NR1D2: variants seen among roughly 807,000 people sequenced by gnomAD.
NR1D2 encodes the protein nuclear receptor subfamily 1 group D member 2.
Under a neutral mutation model 52.2 loss-of-function variants are expected in NR1D2, and 25 were observed. The observed-to-expected ratio is 0.48, with a 90% CI of 0.35 to 0.67. The LOEUF (loss-of-function observed/expected upper bound fraction) is 0.67, where lower values mean the gene tolerates loss of function less well. Ranked by LOEUF, NR1D2 falls within the 30% of genes least tolerant of loss-of-function variation. The pLI is 0.01. For missense variants in NR1D2, 681 were observed against 707.2 expected (o/e 0.96, Z 0.42); for synonymous variants, 259 against 230.1 (o/e 1.13, Z -1.14).
At chr3:23,948,109 C>T (rs1017600479) in intron 1 of NR1D2, among the ~76,000 whole-genome samples, 9 of 145,472 alleles carry the variant, frequency 6.2e-5, no homozygotes, top group Non-Finnish European at 1.2e-4. Context: ...AAGAGCGAGA[C>T]TCCCATCTCA....
intron 4 of NR1D2, among the ~76,000 whole-genome samples, chr3:23,960,690 A>G (rs979414218): frequency 7.9e-5 from 12 of 152,152 alleles, no homozygotes; most frequent in African/African-American, 2.9e-4. Context: ...AATTCCCTGA[A>G]ATTTTTTTTA....
chr3:23,946,025 G>C (rs868183613), intron 1 of NR1D2: 27 of 821,396 alleles, frequency 3.3e-5, no homozygotes, highest in Non-Finnish European at 3.8e-5. Context: ...ACACGTGGGG[G>C]CGGGGGCGCG....
intron 1 of NR1D2, among the ~76,000 whole-genome samples, chr3:23,952,282 G>A (rs765413059): frequency 2.0e-5 from 3 of 152,204 alleles, no homozygotes; most frequent in Non-Finnish European, 4.4e-5. Context: ...ACTGGGAAGA[G>A]CAGATTTGCA....
intron 4 of NR1D2, among the ~76,000 whole-genome samples, chr3:23,961,016 A>G (rs1304251686): frequency 1.3e-5 from 2 of 152,216 alleles, no homozygotes; most frequent in African/African-American, 4.8e-5. Flanking sequence ...AGGATGACTT[A>G]TCTCATTTTT....
At chr3:23,968,788 C>T (rs544702581) in intron 7 of NR1D2, among the ~76,000 whole-genome samples, 1 of 152,254 alleles carries the variant, frequency 6.6e-6, no homozygotes, top group African/African-American at 2.4e-5. Context: ...GAGGTACTTT[C>T]CTGGGTATGT....
At position 23,979,992 on chromosome 3, in the gene NR1D2, C is replaced by G. The variant is rs1706836300; in HGVS notation, c.*2573C>G. On this transcript the variant is annotated 3_prime_UTR_variant, in exon 8 of 8. Transcript: ENST00000312521. ...CTTTTAATGTATCTCTTTACATGAT[C>G]TGAGAGAGGATTCAAGTTGATAGAA... is the stretch of plus-strand genomic sequence containing the variant. 6.6e-6 allele frequency: 1 copy of G among 151,976 alleles called. No individual in the cohort carries two copies. Among genetic ancestry groups the G allele is most frequent in the African/African-American group, 2.4e-5 (1 of 41,396 alleles). The allele number at this position is 151,976 out of a possible 1,614,324, so 9.4% of individuals were successfully genotyped here. A position where few individuals can be genotyped will look rare whatever the true frequency, so the allele number is the denominator to read the frequency against.
At chr3:23,954,464 T>C (rs763059148) in intron 1 of NR1D2, 73 bp from the exon 2 acceptor site, 84 of 1,274,552 alleles carry the variant, frequency 6.6e-5, no homozygotes, top group Non-Finnish European at 9.1e-5. Context: ...ATGGCTTTAC[T>C]GTTGAGATTT....
chr3:23,958,449 C>T (rs1047747392), intron 3 of NR1D2, among the ~76,000 whole-genome samples: 4 of 151,892 alleles, frequency 2.6e-5, no homozygotes, highest in Non-Finnish European at 4.4e-5. Flanking sequence ...GTGTGAGACC[C>T]ACCTGGGCAA....
intron 3 of NR1D2, among the ~76,000 whole-genome samples, chr3:23,958,042 C>G (rs183944118): frequency 2.6e-5 from 4 of 152,288 alleles, no homozygotes; most frequent in Admixed American, 2.6e-4. Flanking sequence ...TCCCTGGTAC[C>G]ATGAAACTGG....
rs1384626966 is a variant in NR1D2 at position 23,965,047 on chromosome 3, C to T, written c.1217C>T (p.Ser406Leu). 4.3e-6 allele frequency: 7 copies of T among 1,613,828 alleles called. No individual in the cohort carries two copies. Among genetic ancestry groups the T allele is most frequent in the South Asian group, 1.1e-5 (1 of 91,068 alleles). Residue 406 changes from serine (S) to leucine (L), a missense_variant, in exon 6 of 8, where the codon TCG becomes TTG. Ser to Leu is a moderately radical substitution (Grantham distance 145, BLOSUM62 -2). Coordinates refer to ENST00000312521, the MANE Select transcript of NR1D2 (RefSeq NM_005126.5). Reference protein sequence around the residue: ...KSGHEIWEEFSMSFTPAVKEV... With the variant: ...KSGHEIWEEFLMSFTPAVKEV... Reference sequence around the variant, plus strand: ...GGACATGAAATCTGGGAAGAATTTTCGATGAGCTTCACTCCAGCAGTGAAA... The same window carrying T: ...GGACATGAAATCTGGGAAGAATTTTTGATGAGCTTCACTCCAGCAGTGAAA...
At chr3:23,946,387 G>A in intron 1 of NR1D2, 1 of 760,116 alleles carries the variant, frequency 1.3e-6, no homozygotes, top group Non-Finnish European at 1.6e-6. Context: ...GGCGCCTCGG[G>A]GAAGGCGTGG....
intron 7 of NR1D2, among the ~76,000 whole-genome samples, chr3:23,970,752 G>C (rs73038519): frequency 0.031 from 4,785 of 152,084 alleles, 113 homozygotes; most frequent in Middle Eastern, 0.075. Flanking sequence ...AAAATTACTA[G>C]CTGTTTTTTG....
At chr3:23,950,438 C>T (rs9817923) in intron 1 of NR1D2, among the ~76,000 whole-genome samples, 20,313 of 152,202 alleles carry the variant, frequency 0.13, 1,873 homozygotes, top group African/African-American at 0.25. Flanking sequence ...TCATTTTATT[C>T]CTGACATCCA....
intron 4 of NR1D2, among the ~76,000 whole-genome samples, 185 bp from the exon 5 acceptor site, chr3:23,961,792 C>G (rs1477534210): frequency 2.6e-5 from 4 of 152,058 alleles, no homozygotes; most frequent in Non-Finnish European, 4.4e-5. Flanking sequence ...AATTTTCTCT[C>G]CCTCTCCTAC....
intron 1 of NR1D2, 35 bp from the exon 2 acceptor site, chr3:23,954,502 G>A (rs559492799): frequency 6.3e-7 from 1 of 1,577,144 alleles, no homozygotes; most frequent in South Asian, 1.1e-5. Context: ...GTATTATCTT[G>A]TATCTAATTA....
intron 1 of NR1D2, among the ~76,000 whole-genome samples, chr3:23,952,761 T>C (rs1204480995): frequency 6.6e-6 from 1 of 151,336 alleles, no homozygotes; most frequent in East Asian, 1.9e-4. Context: ...ATGAAAAACA[T>C]TGTGTGTTTC....
At chr3:23,954,442 T>C in intron 1 of NR1D2, 95 bp from the exon 2 acceptor site, 2 of 1,025,450 alleles carry the variant, frequency 2.0e-6, no homozygotes, top group Non-Finnish European at 2.9e-6. Context: ...CAGTATCCTG[T>C]TTCTAAAGTT....
At chr3:23,950,386 A>G (rs949893904) in intron 1 of NR1D2, among the ~76,000 whole-genome samples, 12 of 152,230 alleles carry the variant, frequency 7.9e-5, no homozygotes, top group African/African-American at 2.9e-4. Flanking sequence ...TGATTTGATG[A>G]AAGTTAATTC....
chr3:23,946,030 GGCGCGCGC>G (rs561849691), intron 1 of NR1D2: 6 of 845,204 alleles, frequency 7.1e-6, no homozygotes, highest in African/African-American at 5.5e-5. Context: ...TGGGGGCGGG[GGCGCGCGC>G]GCGCGCGCTG....
Sources: gnomAD v4.1 joint callset for allele counts (sites outside exome capture counted in the v4.1 genomes callset) on GRCh38, gnomAD v4.1.1 for gene constraint, MANE v1.5 for transcripts, NCBI Gene and HGNC (gene_info 2026-07-23, HGNC 2026-07-21) for gene names.